PACSIN2: variants seen among roughly 807,000 people sequenced by gnomAD.
PACSIN2 encodes the protein protein kinase C and casein kinase substrate in neurons 2.
In PACSIN2, 25 loss-of-function variants were observed where a neutral mutation model predicts 63.8. The ratio of observed to expected loss-of-function variants is 0.39; its 90% CI spans 0.29 to 0.55. The LOEUF is 0.55. PACSIN2 is among the 20% of genes least tolerant of loss of function. The pLI, the probability that PACSIN2 is intolerant of heterozygous loss-of-function variation, is 0.62. For synonymous variants in PACSIN2, 255 were observed against 256.2 expected (o/e 1.00, Z 0.05); for missense variants, 518 against 646.9 (o/e 0.80, Z 2.16).
intron 2 of PACSIN2, among the ~76,000 whole-genome samples, chr22:42,896,122 G>T (rs188796959): frequency 5.3e-5 from 8 of 152,296 alleles, no homozygotes; most frequent in Admixed American, 6.5e-5. Context: ...CCACAGCAAG[G>T]AACAGGACAC....
At chr22:42,977,212 T>G (rs1458219754) in intron 1 of PACSIN2, among the ~76,000 whole-genome samples, 1 of 152,110 alleles carries the variant, frequency 6.6e-6, no homozygotes, top group Non-Finnish European at 1.5e-5. Context: ...ATCTTAAAAT[T>G]TTATGGCAAA....
At chr22:42,997,827 G>A (rs1437166382) in intron 1 of PACSIN2, among the ~76,000 whole-genome samples, 1 of 152,134 alleles carries the variant, frequency 6.6e-6, no homozygotes, top group Non-Finnish European at 1.5e-5. Flanking sequence ...GATGCAGTGA[G>A]CTGAGATCAC....
chr22:42,935,445 T>C (rs574990275), intron 1 of PACSIN2, among the ~76,000 whole-genome samples: 2 of 152,264 alleles, frequency 1.3e-5, no homozygotes, highest in African/African-American at 2.4e-5. Context: ...TCCAGACTCA[T>C]GGTCTTGTCT....
intron 1 of PACSIN2, among the ~76,000 whole-genome samples, chr22:42,991,003 G>C (rs759221116): frequency 1.4e-4 from 21 of 152,206 alleles, no homozygotes; most frequent in Non-Finnish European, 2.5e-4. Flanking sequence ...AGGACTCAAC[G>C]GGTTCTATAC....
intron 2 of PACSIN2, chr22:42,909,422 C>A (rs758973608): frequency 4.6e-5 from 19 of 417,424 alleles, no homozygotes; most frequent in Non-Finnish European, 8.6e-5. Context: ...GAACTTGCTA[C>A]CTGCCTGGGA....
At chr22:42,952,027 A>C (rs1933716546) in intron 1 of PACSIN2, among the ~76,000 whole-genome samples, 1 of 152,174 alleles carries the variant, frequency 6.6e-6, no homozygotes, top group African/African-American at 2.4e-5. Context: ...CCCTCTTCTT[A>C]AGAAAGCCTT....
intron 1 of PACSIN2, among the ~76,000 whole-genome samples, chr22:42,991,573 C>G (rs1403134062): frequency 6.6e-6 from 1 of 152,238 alleles, no homozygotes; most frequent in African/African-American, 2.4e-5. Context: ...GGGCATCGCC[C>G]AGTCCCTTTC....
chr22:42,948,615 C>T (rs1483974871), intron 1 of PACSIN2, among the ~76,000 whole-genome samples: 1 of 152,130 alleles, frequency 6.6e-6, no homozygotes, highest in African/African-American at 2.4e-5. Flanking sequence ...AGCCACTGTA[C>T]TCCAGCCTGG....
Position 42,890,990 on chromosome 22 carries a change from C to T in PACSIN2, c.410G>A (p.Gly137Asp). ...GFKETKEAEDGFRKAQKPWAK... is the reference protein window; with the variant it reads ...GFKETKEAEDDFRKAQKPWAK... Reference sequence around the variant, plus strand: ...CCAGGGCTTCTGTGCCTTCCGAAAGCCGTCCTCAGCTTCCTTGGTCTCCTT... The same window carrying T: ...CCAGGGCTTCTGTGCCTTCCGAAAGTCGTCCTCAGCTTCCTTGGTCTCCTT... Residue 137 changes from glycine to aspartate, a missense_variant, in exon 4 of 11, where the codon GGC (glycine) becomes GAC (aspartate). Physicochemically the swap from Gly to Asp is moderately conservative, Grantham distance 94. Coordinates refer to ENST00000263246, the MANE Select transcript of PACSIN2 (RefSeq NM_001184970.3). 6.2e-7 allele frequency: 1 copy of T among 1,614,170 alleles called. No individual in the cohort carries two copies. Among genetic ancestry groups the T allele is most frequent in the African/African-American group, 1.3e-5 (1 of 75,044 alleles).
intron 1 of PACSIN2, among the ~76,000 whole-genome samples, chr22:42,924,038 T>A (rs1405651477): frequency 2.0e-5 from 3 of 148,666 alleles, no homozygotes; most frequent in Admixed American, 1.3e-4. Flanking sequence ...CGAGACCTGG[T>A]CTCTTTAAAA....
At chr22:42,915,583 T>G (rs1931755439) in intron 1 of PACSIN2, among the ~76,000 whole-genome samples, 1 of 152,214 alleles carries the variant, frequency 6.6e-6, no homozygotes, top group Non-Finnish European at 1.5e-5. Flanking sequence ...TGTGCATTAC[T>G]TAAGAGTTCA....
At chr22:42,919,367 A>T (rs1315339857) in intron 1 of PACSIN2, among the ~76,000 whole-genome samples, 4 of 152,182 alleles carry the variant, frequency 2.6e-5, no homozygotes, top group Non-Finnish European at 5.9e-5. Context: ...GTGCAAAGTG[A>T]CAGACAAATG....
intron 1 of PACSIN2, among the ~76,000 whole-genome samples, chr22:42,985,363 C>A (rs1922531620): frequency 6.6e-6 from 1 of 152,204 alleles, no homozygotes; most frequent in Non-Finnish European, 1.5e-5. Context: ...GGGGTGCTCA[C>A]CCCAGAGACT....
intron 1 of PACSIN2, among the ~76,000 whole-genome samples, chr22:42,944,542 T>G (rs1412172559): frequency 6.6e-6 from 1 of 152,146 alleles, no homozygotes; most frequent in African/African-American, 2.4e-5. Context: ...GACCCTTAAG[T>G]CCCACTCTGG....
intron 2 of PACSIN2, among the ~76,000 whole-genome samples, chr22:42,903,310 TC>T (rs1273509217): frequency 1.3e-5 from 2 of 152,208 alleles, no homozygotes; most frequent in Non-Finnish European, 2.9e-5. Context: ...CTGCCAGATG[TC>T]CCCATGGTGA....
At chr22:42,950,698 A>C (rs1933652225) in intron 1 of PACSIN2, among the ~76,000 whole-genome samples, 1 of 152,282 alleles carries the variant, frequency 6.6e-6, no homozygotes, top group African/African-American at 2.4e-5. Flanking sequence ...TTTATCTAAA[A>C]ATATATGTTT....
chr22:42,903,259 G>T (rs1930828701), intron 2 of PACSIN2, among the ~76,000 whole-genome samples: 1 of 152,226 alleles, frequency 6.6e-6, no homozygotes, highest in South Asian at 2.1e-4. Context: ...TCCCTGGGGA[G>T]GGTGTGCGTG....
chr22:42,919,873 T>C (rs1370807704), intron 1 of PACSIN2, among the ~76,000 whole-genome samples: 3 of 150,208 alleles, frequency 2.0e-5, no homozygotes, highest in Non-Finnish European at 4.4e-5. Flanking sequence ...TCTCAACACT[T>C]TGAAAGGCCA....
intron 1 of PACSIN2, chr22:42,960,039 A>T (rs953275507): frequency 6.6e-6 from 1 of 152,224 alleles, no homozygotes; most frequent in Non-Finnish European, 1.5e-5. Context: ...CTCTTTTCAG[A>T]AAGTGGCCAA....
Sources: gnomAD v4.1 joint callset for allele counts (sites outside exome capture counted in the v4.1 genomes callset) on GRCh38, gnomAD v4.1.1 for gene constraint, MANE v1.5 for transcripts, NCBI Gene and HGNC (gene_info 2026-07-23, HGNC 2026-07-21) for gene names.